Variants in LRP4 observed in about 807,000 individuals in gnomAD.
LRP4 encodes the protein LDL receptor related protein 4.
In LRP4, 95 loss-of-function variants were observed where a neutral mutation model predicts 220.3. That is an observed-to-expected ratio of 0.43 (90% CI 0.37 to 0.51). The LOEUF is 0.51. Ranked by LOEUF, LRP4 falls within the 20% of genes least tolerant of loss-of-function variation. LRP4 has a pLI of 0.00. For synonymous variants in LRP4, 903 were observed against 954.6 expected, an observed-to-expected ratio of 0.95 and a Z score of 1.00; for missense variants, 1,925 against 2,567.0, an observed-to-expected ratio of 0.75 and a Z score of 5.40.
rs1941291554 is a variant in LRP4, at chr11:46,886,307, C to A, written c.2424+18G>T. On this transcript the variant is annotated intron_variant, in intron 17 of 37. Transcript: ENST00000378623. The stretch of plus-strand genomic sequence containing the variant: ...GAGGGTGGATTCCACCCTTCAACCT[C>A]CCCACGCTGGGCCCTACCTCCTGTC... The A allele has an allele frequency of 6.3e-7, 1 of 1,588,092 alleles. No homozygotes were observed. The highest frequency in any genetic ancestry group is 1.3e-5 in the African/African-American group (1 of 74,442).
Position 46,873,029 on chromosome 11 carries a change from A to C in LRP4, c.4583+71T>G. 2.5e-6 allele frequency: 4 copies of C among 1,595,342 alleles called. No homozygotes were observed. Among genetic ancestry groups the C allele is most frequent in the Non-Finnish European group, 3.4e-6 (4 of 1,163,644 alleles). ...AAGCTTTCTATCTTTTCATTTTTCC[A>C]AGGTTAATCTCAACCATTCTCTCTT... On this transcript the variant is annotated intron_variant, in intron 30 of 37. Transcript: ENST00000378623. This position sits in a 1 kb window ranked among gnomAD's most constrained non-coding sequence, Gnocchi z 4.2.
In LRP4 at chr11:46,875,921, C is replaced by T. The variant is rs1335839629; in HGVS notation, c.3582G>A (p.Arg1194=). The T allele has an allele frequency of 6.2e-7, 1 of 1,614,124 alleles. No homozygotes were observed. Among genetic ancestry groups the T allele is most frequent in the East Asian group, 2.2e-5 (1 of 44,862 alleles). Residue 1194 remains arginine, a synonymous_variant, in exon 26 of 38, where the codon CGG becomes CGA. Coordinates refer to ENST00000378623, the MANE Select transcript of LRP4 (RefSeq NM_002334.4). The surrounding 1 kb of genome is among the most constrained non-coding windows in gnomAD (Gnocchi z 4.5). ...CGCGGTCTGAGCCATCCATTCCGGA[C>T]CGCTCTAACTTGGCATTCTCCCCCC... is the stretch of plus-strand genomic sequence containing the variant. The part of the protein sequence containing the change: ...TDWGENAKLE[R]SGMDGSDRAV...
chr11:46,858,548 TC>T lies in LRP4; in HGVS notation c.*434del. On this transcript the variant is annotated 3_prime_UTR_variant, in exon 38 of 38. Coordinates refer to ENST00000378623, the MANE Select transcript of LRP4 (RefSeq NM_002334.4). ...CCCTGTCTTTACCCACACCCCCATG[TC>T]CCAGCCCCTGATGGGCAAGTTCTCT... is the stretch of plus-strand genomic sequence containing the variant. 1 of 290,468 alleles carries T rather than the reference TC, an allele frequency of 3.4e-6. No homozygotes were observed. The highest frequency in any genetic ancestry group is 6.8e-6 in the Non-Finnish European group (1 of 147,262). 18.0% of individuals were successfully genotyped at this position (290,468 alleles called of 1,614,324 possible).
Position 46,902,872 on chromosome 11 carries a change from C to G in LRP4, c.110G>C (p.Ser37Thr). The G allele has an allele frequency of 6.2e-7, 1 of 1,614,160 alleles. No homozygotes were observed. Among genetic ancestry groups the G allele is most frequent in the Non-Finnish European group, 8.5e-7 (1 of 1,180,042 alleles). The part of the protein sequence containing the change: ...CGRSHFTCAV[S>T]ALGECTCIPA... ...GATGCAGGTACACTCTCCAAGAGCA[C>G]TCACTGCACATGTGAAGTGGCTCCG... is the stretch of plus-strand genomic sequence containing the variant. The change falls in exon 2 of 38, where the codon AGT (serine) becomes ACT (threonine). Residue 37 changes from serine (S) to threonine (T), a missense_variant. Transcript: ENST00000378623.
rs766741394 is a variant in LRP4 at position 46,893,002 on chromosome 11, G to A, written c.1668C>T (p.Pro556=). 7 of 1,613,860 alleles carry A rather than the reference G, an allele frequency of 4.3e-6. No individual in the cohort carries two copies. The East Asian group carries it at 1.6e-4, about 36-fold the overall frequency. Reference sequence around the variant, plus strand: ...CCATGGGATGCAAGGCAATGGCCCGGGGCTTCTCCAGGTTCTGCCACAGCA... The same window carrying A: ...CCATGGGATGCAAGGCAATGGCCCGAGGCTTCTCCAGGTTCTGCCACAGCA... ...KVLLWQNLEK[P]RAIALHPMEG... is the part of the protein sequence containing the mutation. Residue 556 remains proline, a synonymous_variant, in exon 13 of 38, where the codon CCC becomes CCT. Coordinates refer to ENST00000378623, the MANE Select transcript of LRP4 (RefSeq NM_002334.4).
chr11:46,913,585 G>C (rs900264587), intron 1 of LRP4, among the ~76,000 whole-genome samples: 11 of 152,106 alleles, frequency 7.2e-5, no homozygotes, highest in Admixed American at 6.6e-4. Context: ...ACTACCTTAT[G>C]AGCTCTGGAG....
intron 12 of LRP4, among the ~76,000 whole-genome samples, chr11:46,894,277 C>T (rs1229765739): frequency 6.6e-6 from 1 of 152,156 alleles, no homozygotes; most frequent in East Asian, 1.9e-4. Context: ...CGAAACAAAA[C>T]TCAGAAATAA....
rs1940863034 is a variant in LRP4 at position 46,871,542 on chromosome 11, G to A, written c.4675C>T (p.Pro1559Ser). Residue 1559 changes from proline (P) to serine (S), a missense_variant, in exon 31 of 38, where the codon CCC becomes TCC. By Grantham distance (74) the Pro-to-Ser change is moderately conservative. This residue lies in a region of LRP4 where 1,244 missense variants were observed against 1,624.9 expected (regional missense o/e 0.77). Transcript: ENST00000378623. ...RQVLVSHVSH[P>S]FALTQQDRWI... is the part of the protein sequence containing the mutation. ...GCCAGTACCTGTGTGAGGGCAAAGG[G>A]GTGGGACACATGGCTGACCAAGACC... 1 of 1,612,332 alleles carries A rather than the reference G, an allele frequency of 6.2e-7. No individual in the cohort carries two copies. The highest frequency in any genetic ancestry group is 8.5e-7 in the Non-Finnish European group (1 of 1,179,110).
rs142660660 is a variant in LRP4 at position 46,886,121 on chromosome 11, C to T, written c.2476G>A (p.Val826Ile). ...ESPAGLAIDW[V>I]TNKLYWTDAG... ...TCTGTCCAGTACAGTTTGTTGGTGA[C>T]CCAATCAATGGCCAGGCCAGCTGGG... The change falls in exon 18 of 38, where the codon GTC (valine) becomes ATC (isoleucine). Residue 826 changes from valine (V) to isoleucine (I), a missense_variant. Physicochemically the swap from Val to Ile is conservative, Grantham distance 29 (BLOSUM62 3). Coordinates refer to ENST00000378623, the MANE Select transcript of LRP4 (RefSeq NM_002334.4). The T allele has an allele frequency of 5.4e-5, 87 of 1,614,002 alleles. No individual in the cohort carries two copies. The highest frequency in any genetic ancestry group is 1.0e-4 in the Admixed American group (6 of 60,002).
rs758078379 is a variant in LRP4 at position 46,858,419 on chromosome 11, C to T, written c.*564G>A. The T allele has an allele frequency of 1.1e-5, 2 of 180,162 alleles. No homozygotes were observed. The highest frequency in any genetic ancestry group is 1.1e-4 in the Admixed American group (2 of 18,704). The allele number at this position is 180,162 out of a possible 1,614,324, so 11.2% of individuals were successfully genotyped here. ...CCAGACACCCAGATCCAACTACCCC[C>T]CAAAGCTTTTTCATGTTACTAACAC... On this transcript the variant is annotated 3_prime_UTR_variant, in exon 38 of 38. Coordinates refer to ENST00000378623, the MANE Select transcript of LRP4 (RefSeq NM_002334.4).
chr11:46,878,437 C>T (rs1565785268), intron 22 of LRP4, among the ~76,000 whole-genome samples: 1 of 151,870 alleles, frequency 6.6e-6, no homozygotes, highest in African/African-American at 2.4e-5. Context: ...CCATGCCTGG[C>T]TAATTTTTGT....
At position 46,894,745 on chromosome 11, in the gene LRP4, G is replaced by A; in HGVS notation, c.1384C>T (p.Leu462=). The change falls in exon 12 of 38, where the codon CTG becomes TTG. Residue 462 remains leucine, a synonymous_variant. Coordinates refer to ENST00000378623, the MANE Select transcript of LRP4 (RefSeq NM_002334.4). ...QVLPHRSEYT[L]LLNNLENAIA... ...GCATTCTCCAGGTTGTTAAGCAGCA[G>A]TGTGTACTCAGAGCGGTGTGGCAGC... 1.2e-6 allele frequency: 2 copies of A among 1,614,264 alleles called. No homozygotes were observed. The highest frequency in any genetic ancestry group is 1.7e-6 in the Non-Finnish European group (2 of 1,180,050).
rs1940459264 is a variant in LRP4, at chr11:46,859,023, C to T, written c.5678G>A (p.Trp1893Ter). The T allele has an allele frequency of 1.9e-6, 3 of 1,614,130 alleles. No homozygotes were observed. The East Asian group carries it at 6.7e-5, about 36-fold the overall frequency. Residue 1893 changes from tryptophan (W) to a stop codon, truncating the protein, a stop_gained, in exon 38 of 38, where the codon TGG becomes TAG. Coordinates refer to ENST00000378623, the MANE Select transcript of LRP4 (RefSeq NM_002334.4). LOFTEE classifies it high-confidence loss of function. ...TGAGGAGAGCTTGCGTTCATGTTTC[C>T]AGCCCGTGTCTGGCAGAGAGCCTCG... ...ERRGSLPDTGWKHERKLSSES... is the reference protein window; with the variant it reads ...ERRGSLPDTG
chr11:46,869,553 G>C (rs554801348), intron 31 of LRP4, among the ~76,000 whole-genome samples: 80 of 152,294 alleles, frequency 5.3e-4, no homozygotes, highest in African/African-American at 1.8e-3. Context: ...ATAGGTTCCT[G>C]TTCCTCTGGG....
At chr11:46,887,802 G>A (rs1000403271) in intron 16 of LRP4, among the ~76,000 whole-genome samples, 3 of 151,964 alleles carry the variant, frequency 2.0e-5, no homozygotes, top group Non-Finnish European at 2.9e-5. Flanking sequence ...CCACACTCCA[G>A]CCTGGGTGAC....
At chr11:46,900,044 G>A in intron 3 of LRP4, 68 bp from the exon 4 acceptor site, 1 of 1,301,172 alleles carries the variant, frequency 7.7e-7, no homozygotes, top group Non-Finnish European at 1.1e-6. Context: ...CTGACTTAAA[G>A]CCCTCCGGAG....
At chr11:46,893,260 A>C (rs1157939711) in intron 12 of LRP4, 131 bp from the exon 13 acceptor site, 1 of 835,998 alleles carries the variant, frequency 1.2e-6, no homozygotes, top group African/African-American at 1.7e-5. Flanking sequence ...CAGATACATG[A>C]ATTCATTTAA....
rs904322183 is a variant in LRP4 at position 46,857,418 on chromosome 11, C to T, written c.*1565G>A. 3.3e-5 allele frequency: 5 copies of T among 152,180 alleles called. No individual in the cohort carries two copies. Among genetic ancestry groups the T allele is most frequent in the African/African-American group, 1.2e-4 (5 of 41,416 alleles). The allele number at this position is 152,180 out of a possible 1,614,324, so 9.4% of individuals were successfully genotyped here. ...CAGGAAACTTCCCCTAGAAATTCTC[C>T]CCTCCATTCCCAGCCCCTGTTGTTC... On this transcript the variant is annotated 3_prime_UTR_variant, in exon 38 of 38. Coordinates refer to ENST00000378623, the MANE Select transcript of LRP4 (RefSeq NM_002334.4).
rs1182632232 is a variant in LRP4 at position 46,894,734 on chromosome 11, G to A, written c.1395C>T (p.Asn465=). 4 of 1,614,256 alleles carry A rather than the reference G, an allele frequency of 2.5e-6. No individual in the cohort carries two copies. Among genetic ancestry groups the A allele is most frequent in the Non-Finnish European group, 3.4e-6 (4 of 1,180,040 alleles). The change falls in exon 12 of 38, where the codon AAC becomes AAT. Residue 465 remains asparagine (N), a synonymous_variant. Coordinates refer to ENST00000378623, the MANE Select transcript of LRP4 (RefSeq NM_002334.4). Reference sequence around the variant, plus strand: ...CAAGGGCAATGGCATTCTCCAGGTTGTTAAGCAGCAGTGTGTACTCAGAGC... The same window carrying A: ...CAAGGGCAATGGCATTCTCCAGGTTATTAAGCAGCAGTGTGTACTCAGAGC... ...PHRSEYTLLL[N]NLENAIALDF... is the part of the protein sequence containing the mutation.
Sources: allele counts gnomAD v4.1 joint callset (sites outside exome capture counted in the v4.1 genomes callset), GRCh38; gene constraint gnomAD v4.1.1; regional missense constraint gnomAD v4.1.1; non-coding constraint Gnocchi (gnomAD v3.1); transcripts MANE v1.5; gene names NCBI Gene and HGNC (gene_info 2026-07-23, HGNC 2026-07-21).